Variants in RIMBP2 observed in about 807,000 individuals in gnomAD.
RIMBP2 encodes the protein RIMS-binding protein 2.
In RIMBP2, 48 loss-of-function variants were observed where a neutral mutation model predicts 118.6. The ratio of observed to expected loss-of-function variants is 0.40; its 90% CI spans 0.32 to 0.51. The LOEUF is 0.51. RIMBP2 is among the 20% of genes least tolerant of loss of function. The probability of loss-of-function intolerance (pLI) is 0.41; values close to 1 mark genes in which losing one functional copy is unlikely to be tolerated. For missense variants in RIMBP2, 1,551 were observed against 1,768.3 expected (o/e 0.88, Z 2.20); for synonymous variants, 762 against 742.9 (o/e 1.03, Z -0.42).
At chr12:130,476,719 C>T (rs1353753655) in intron 5 of RIMBP2, among the ~76,000 whole-genome samples, 1 of 152,220 alleles carries the variant, frequency 6.6e-6, no homozygotes, top group African/African-American at 2.4e-5. Flanking sequence ...CCACTCAAGC[C>T]TCTCAACTCC....
At chr12:130,406,945 C>T (rs1259374142) in intron 20 of RIMBP2, among the ~76,000 whole-genome samples, 1 of 152,224 alleles carries the variant, frequency 6.6e-6, no homozygotes, top group East Asian at 1.9e-4. Flanking sequence ...CCAGCCTAAA[C>T]ATCTCTTTAT....
At chr12:130,531,103 CTCA>C (rs1394542370) in intron 2 of RIMBP2, among the ~76,000 whole-genome samples, 3 of 152,216 alleles carry the variant, frequency 2.0e-5, no homozygotes, top group Non-Finnish European at 4.4e-5. Context: ...CTATCTTCTG[CTCA>C]TCAAGTGATA....
At chr12:130,601,360 A>AAAAAAAAC (rs2059874017) in intron 2 of RIMBP2, among the ~76,000 whole-genome samples, 1 of 145,576 alleles carries the variant, frequency 6.9e-6, no homozygotes, top group Non-Finnish European at 1.5e-5. Flanking sequence ...AAAAAAAAAA[A>AAAAAAAAC]GCAAACCGGC....
intron 17 of RIMBP2, among the ~76,000 whole-genome samples, chr12:130,415,065 C>G (rs2076021614): frequency 6.6e-6 from 1 of 152,168 alleles, no homozygotes; most frequent in Non-Finnish European, 1.5e-5. Context: ...AAGCCAACAT[C>G]ACCCTGATAC....
intron 2 of RIMBP2, among the ~76,000 whole-genome samples, chr12:130,542,923 T>C (rs968773291): frequency 1.3e-5 from 2 of 152,206 alleles, no homozygotes; most frequent in African/African-American, 2.4e-5. Context: ...AACACAACAT[T>C]TCTGTGGATC....
rs146017803 is a variant in RIMBP2 at position 130,399,745 on chromosome 12, T to G, written c.3834A>C (p.Glu1278Asp). 6.8e-5 allele frequency: 109 copies of G among 1,614,068 alleles called. No individual in the cohort carries two copies. Among genetic ancestry groups the G allele is most frequent in the Non-Finnish European group, 1.7e-5 (20 of 1,180,020 alleles). The change falls in exon 22 of 23, where the codon GAA (glutamate) becomes GAC (aspartate). Residue 1278 changes from glutamate (E) to aspartate (D), a missense_variant. Physicochemically the swap from Glu to Asp is conservative, Grantham distance 45. Transcript: ENST00000690449. ...GGGATGGAGCATCAGAAAGATAGACTTCTACGTCATCAGGCACTTCTTCCA... is the reference window on the plus strand; with the variant it reads ...GGGATGGAGCATCAGAAAGATAGACGTCTACGTCATCAGGCACTTCTTCCA... ...NFLEEVPDDVEVYLSDAPSHY... is the reference protein window; with the variant it reads ...NFLEEVPDDVDVYLSDAPSHY...
intron 15 of RIMBP2, chr12:130,425,126 C>G (rs2136783665): frequency 2.9e-6 from 1 of 345,658 alleles, no homozygotes; most frequent in African/African-American, 2.1e-5. Context: ...TGCATCCAGC[C>G]AAGGAGAGGG....
chr12:130,451,414 AC>A, intron 7 of RIMBP2, 74 bp from the exon 8 acceptor site: 2 of 1,474,098 alleles, frequency 1.4e-6, no homozygotes, highest in African/African-American at 1.4e-5. Flanking sequence ...TCATGCGCCT[AC>A]CCGGGGTGCC....
At chr12:130,610,030 A>G (rs2060416670) in intron 2 of RIMBP2, among the ~76,000 whole-genome samples, 1 of 152,214 alleles carries the variant, frequency 6.6e-6, no homozygotes. Flanking sequence ...CCCAAAAAAT[A>G]GTGTGTGGCC....
At chr12:130,693,244 T>C (rs1055048520) in intron 1 of RIMBP2, among the ~76,000 whole-genome samples, 1 of 151,950 alleles carries the variant, frequency 6.6e-6, no homozygotes, top group Non-Finnish European at 1.5e-5. Flanking sequence ...ATTCAATTGA[T>C]TGAAAGAAAG....
At chr12:130,530,195 G>A (rs866632601) in intron 2 of RIMBP2, among the ~76,000 whole-genome samples, 9 of 152,058 alleles carry the variant, frequency 5.9e-5, no homozygotes, top group African/African-American at 9.7e-5. Flanking sequence ...AACAATCTGC[G>A]CCAATACTAG....
chr12:130,679,971 G>A (rs1195205945), intron 1 of RIMBP2, among the ~76,000 whole-genome samples: 4 of 150,402 alleles, frequency 2.7e-5, no homozygotes, highest in Admixed American at 6.6e-5. Context: ...GAGTGTGTTC[G>A]CCCGCCGTGG....
At chr12:130,563,580 C>T (rs2056980163) in intron 2 of RIMBP2, among the ~76,000 whole-genome samples, 1 of 152,192 alleles carries the variant, frequency 6.6e-6, no homozygotes, top group Non-Finnish European at 1.5e-5. Context: ...ATTTCTAATG[C>T]TAACATCCTT....
chr12:130,626,202 C>G (rs983685146), intron 2 of RIMBP2, among the ~76,000 whole-genome samples: 1 of 152,188 alleles, frequency 6.6e-6, no homozygotes, highest in Non-Finnish European at 1.5e-5. Context: ...CACATCAGAC[C>G]TTTTCTGCCT....
chr12:130,493,597 G>A (rs2048852603), intron 4 of RIMBP2, among the ~76,000 whole-genome samples: 1 of 152,114 alleles, frequency 6.6e-6, no homozygotes, highest in Non-Finnish European at 1.5e-5. Context: ...TTCCAGGCGG[G>A]AGCCACCATG....
intron 4 of RIMBP2, among the ~76,000 whole-genome samples, chr12:130,497,079 C>T (rs977961958): frequency 2.0e-5 from 3 of 152,310 alleles, no homozygotes; most frequent in Non-Finnish European, 2.9e-5. Context: ...TCCATCCACA[C>T]GTGGCTTCCT....
In RIMBP2 at chr12:130,673,697, G is replaced by A. The variant is rs895268436; in HGVS notation, c.-352+42525C>T. ...TCCTGCCCAAATCTGAGGTCAAATTGTATTCCCCAGTGTTGGAAGTGGGGC... is the reference window on the plus strand; with the variant it reads ...TCCTGCCCAAATCTGAGGTCAAATTATATTCCCCAGTGTTGGAAGTGGGGC... On this transcript the variant is annotated intron_variant, in intron 1 of 22. Transcript: ENST00000690449. Among the ~76,000 whole-genome samples, 84 of 152,196 alleles carry A rather than the reference G, an allele frequency of 5.5e-4. 1 individual carries two copies. Among genetic ancestry groups the A allele is most frequent in the Admixed American group, 5.2e-3 (80 of 15,278 alleles).
At chr12:130,626,434 C>G in intron 2 of RIMBP2, among the ~76,000 whole-genome samples, 1 of 145,916 alleles carries the variant, frequency 6.9e-6, no homozygotes, top group Middle Eastern at 3.5e-3. Flanking sequence ...ATCACCATGA[C>G]TACCACTGGC....
At chr12:130,591,192 G>C (rs2059234444) in intron 2 of RIMBP2, among the ~76,000 whole-genome samples, 1 of 152,192 alleles carries the variant, frequency 6.6e-6, no homozygotes, top group South Asian at 2.1e-4. Flanking sequence ...ATCCACAATG[G>C]ACTTGTTGGT....
Sources: allele counts gnomAD v4.1 joint callset (sites outside exome capture counted in the v4.1 genomes callset), GRCh38; gene constraint gnomAD v4.1.1; transcripts MANE v1.5; gene names NCBI Gene and HGNC (gene_info 2026-07-23, HGNC 2026-07-21).